DPP10: variants seen among roughly 807,000 people sequenced by gnomAD.
The protein encoded by DPP10 is dipeptidyl peptidase like 10.
In DPP10, 33 loss-of-function variants were observed where a neutral mutation model predicts 120.9. The ratio of observed to expected loss-of-function variants is 0.27; its 90% CI spans 0.21 to 0.37. DPP10 has a LOEUF of 0.37. Among genes scored for constraint, DPP10 ranks in the 10% least tolerant of loss-of-function variants. The probability of loss-of-function intolerance (pLI) is 1.00; values close to 1 mark genes in which losing one functional copy is unlikely to be tolerated. For synonymous variants in DPP10, 337 were observed against 326.1 expected, an observed-to-expected ratio of 1.03 and a Z score of -0.36; for missense variants, 816 against 942.8, an observed-to-expected ratio of 0.87 and a Z score of 1.76.
intron 15 of DPP10, among the ~76,000 whole-genome samples, chr2:115,778,287 CTTG>C (rs1281235856): frequency 2.0e-5 from 3 of 151,978 alleles, no homozygotes; most frequent in Non-Finnish European, 4.4e-5. Flanking sequence ...CCCTCTTTGT[CTTG>C]TTGTTCATAA....
chr2:114,821,866 C>A lies in DPP10; in HGVS notation c.60+379028C>A, dbSNP rs143108809. Among the ~76,000 whole-genome samples the A allele has an allele frequency of 1.6e-3, 245 of 152,304 alleles. 2 individuals carry two copies. Among genetic ancestry groups the A allele is most frequent in the African/African-American group, 5.6e-3 (232 of 41,560 alleles). On this transcript the variant is annotated intron_variant, in intron 1 of 25. Transcript: ENST00000410059. Reference sequence around the variant, plus strand: ...TGGTGTAAGAAGTTGGCTCCCACAGCCTTAGGCAGCTCCACCCCTGTGGTT... The same window carrying A: ...TGGTGTAAGAAGTTGGCTCCCACAGACTTAGGCAGCTCCACCCCTGTGGTT...
intron 1 of DPP10, among the ~76,000 whole-genome samples, chr2:114,922,262 T>A (rs988558566): frequency 2.0e-5 from 3 of 152,172 alleles, no homozygotes; most frequent in Non-Finnish European, 4.4e-5. Flanking sequence ...TCCCTCTCAG[T>A]TTATGCAACC....
intron 1 of DPP10, among the ~76,000 whole-genome samples, chr2:114,750,303 C>T (rs1334252994): frequency 6.6e-6 from 1 of 150,620 alleles, no homozygotes; most frequent in Non-Finnish European, 1.5e-5. Context: ...CCAGATTAAT[C>T]AGTATTTTAG....
chr2:115,066,651 C>T (rs1455191001), intron 1 of DPP10: 1 of 152,122 alleles, frequency 6.6e-6, no homozygotes, highest in Non-Finnish European at 1.5e-5. Flanking sequence ...TCTATGATTT[C>T]CTCCACAGAT....
Position 114,872,178 on chromosome 2 carries a change from C to T in DPP10, c.60+429340C>T, listed in dbSNP as rs562487225. The stretch of plus-strand genomic sequence containing the variant: ...ATAAAGGAAAGAGGTTTAATTGACT[C>T]ACAGTTTCACATGGCTATGGAGGCC... On this transcript the variant is annotated intron_variant, in intron 1 of 25. Coordinates refer to ENST00000410059, the MANE Select transcript of DPP10 (RefSeq NM_020868.6). Among the ~76,000 whole-genome samples, 4 of 152,272 alleles carry T rather than the reference C, an allele frequency of 2.6e-5. No homozygotes were observed. The South Asian group carries it at 6.2e-4, about 24-fold the overall frequency.
intron 5 of DPP10, among the ~76,000 whole-genome samples, chr2:115,575,940 T>C (rs1350546375): frequency 6.6e-6 from 1 of 152,168 alleles, no homozygotes; most frequent in East Asian, 1.9e-4. Flanking sequence ...AACATAGACC[T>C]CAGCCCTACA....
chr2:114,688,047 T>C (rs891571847), intron 1 of DPP10, among the ~76,000 whole-genome samples: 3 of 152,022 alleles, frequency 2.0e-5, no homozygotes, highest in African/African-American at 7.2e-5. Flanking sequence ...CTTGTGCCAC[T>C]CTTTGTTCCT....
chr2:114,882,431 T>C (rs1691720822), intron 1 of DPP10, among the ~76,000 whole-genome samples: 2 of 151,888 alleles, frequency 1.3e-5, no homozygotes, highest in African/African-American at 4.8e-5. Context: ...GTGTATATTC[T>C]CACTTATAAG....
At chr2:115,386,089 T>C (rs1193102100) in intron 3 of DPP10, among the ~76,000 whole-genome samples, 1 of 152,232 alleles carries the variant, frequency 6.6e-6, no homozygotes, top group African/African-American at 2.4e-5. Flanking sequence ...ATACCTTATA[T>C]TAATCACTCA....
chr2:115,663,125 A>T lies in DPP10; in HGVS notation c.442-26562A>T, dbSNP rs190506750. Among the ~76,000 whole-genome samples, 89 of 152,292 alleles carry T rather than the reference A, an allele frequency of 5.8e-4. 1 individual carries two copies. The highest frequency in any genetic ancestry group is 5.8e-3 in the Admixed American group (88 of 15,302). Reference sequence around the variant, plus strand: ...GGAAAATTGAGCATCCATCCCCTCAAGCATTTATCCTTTGAGTTACAAACA... The same window carrying T: ...GGAAAATTGAGCATCCATCCCCTCATGCATTTATCCTTTGAGTTACAAACA... On this transcript the variant is annotated intron_variant, in intron 5 of 25. Transcript: ENST00000410059.
chr2:115,630,161 G>A (rs1343618644), intron 5 of DPP10, among the ~76,000 whole-genome samples: 1 of 151,968 alleles, frequency 6.6e-6, no homozygotes, highest in Non-Finnish European at 1.5e-5. Flanking sequence ...TACTCCTTTT[G>A]TAGCAATTGT....
At chr2:114,569,854 A>G (rs1689487695) in intron 1 of DPP10, among the ~76,000 whole-genome samples, 1 of 152,182 alleles carries the variant, frequency 6.6e-6, no homozygotes, top group African/African-American at 2.4e-5. Context: ...CTATCAACCT[A>G]TCAGCCATCT....
At chr2:115,236,650 A>C (rs936736017) in intron 1 of DPP10, among the ~76,000 whole-genome samples, 1 of 152,226 alleles carries the variant, frequency 6.6e-6, no homozygotes, top group Non-Finnish European at 1.5e-5. Context: ...TATCAAAATT[A>C]AAACCAATGT....
intron 1 of DPP10, among the ~76,000 whole-genome samples, chr2:115,232,179 A>T (rs1157245055): frequency 6.6e-6 from 1 of 152,086 alleles, no homozygotes; most frequent in African/African-American, 2.4e-5. Flanking sequence ...CCCCTGTAAC[A>T]TTCTAGCCTG....
At chr2:115,832,403 C>A (rs1409076863) in intron 21 of DPP10, among the ~76,000 whole-genome samples, 1 of 152,142 alleles carries the variant, frequency 6.6e-6, no homozygotes, top group Non-Finnish European at 1.5e-5. Flanking sequence ...AGTGGGAGGT[C>A]TGCTTAAGCC....
intron 9 of DPP10, among the ~76,000 whole-genome samples, chr2:115,744,083 A>C (rs1273817574): frequency 6.6e-6 from 1 of 150,638 alleles, no homozygotes; most frequent in Non-Finnish European, 1.5e-5. Context: ...AAATTTGCAC[A>C]CTCACTATCT....
chr2:114,864,772 G>A (rs922780087), intron 1 of DPP10, among the ~76,000 whole-genome samples: 1 of 152,178 alleles, frequency 6.6e-6, no homozygotes, highest in Non-Finnish European at 1.5e-5. Context: ...TAACCACTAG[G>A]TGATTATGAA....
intron 1 of DPP10, among the ~76,000 whole-genome samples, chr2:115,132,507 G>A (rs1322526919): frequency 6.6e-6 from 1 of 152,132 alleles, no homozygotes; most frequent in Non-Finnish European, 1.5e-5. Context: ...TGTGCTTTCT[G>A]TCATTTCTGT....
chr2:114,887,749 T>C (rs545106660), intron 1 of DPP10, among the ~76,000 whole-genome samples: 1 of 152,302 alleles, frequency 6.6e-6, no homozygotes, highest in South Asian at 2.1e-4. Flanking sequence ...TTGGTGTTAG[T>C]GAAAGGTGGG....
Sources: allele counts gnomAD v4.1 joint callset (sites outside exome capture counted in the v4.1 genomes callset), GRCh38; gene constraint gnomAD v4.1.1; transcripts MANE v1.5; gene names NCBI Gene and HGNC (gene_info 2026-07-23, HGNC 2026-07-21).